MOGAT3: variants seen among roughly 807,000 people sequenced by gnomAD.
The protein encoded by MOGAT3 is 2-acylglycerol O-acyltransferase 3.
Under a neutral mutation model 34.4 loss-of-function variants are expected in MOGAT3, and 39 were observed. The observed-to-expected ratio is 1.13, with a 90% confidence interval of 0.88 to 1.48. The LOEUF (loss-of-function observed/expected upper bound fraction) is 1.48. Among genes scored for constraint, MOGAT3 ranks in the 40% most tolerant of loss-of-function variants. The probability of loss-of-function intolerance (pLI) is 0.00; values close to 1 mark genes in which losing one functional copy is unlikely to be tolerated. For missense variants in MOGAT3, 439 were observed against 438.9 expected (o/e 1.00, Z 0.00); for synonymous variants, 209 against 179.2 (o/e 1.17, Z -1.33).
At chr7:101,193,814 T>C (rs1162473143), downstream of MOGAT3, among the ~76,000 whole-genome samples, 2 of 152,226 alleles carry the variant, frequency 1.3e-5, no homozygotes, top group African/African-American at 2.4e-5. Context: ...GGACTGCCCA[T>C]ATTTTCATGC....
chr7:101,200,184 G>C, intron 3 of MOGAT3, 50 bp downstream of exon 3: 2 of 1,486,014 alleles, frequency 1.3e-6, no homozygotes, highest in Non-Finnish European at 1.9e-6. Flanking sequence ...AGGTGTGGGA[G>C]GGAGATGGGG....
At chr7:101,198,059 G>T in intron 5 of MOGAT3, 132 bp downstream of exon 5, 1 of 938,298 alleles carries the variant, frequency 1.1e-6, no homozygotes, top group Non-Finnish European at 1.5e-6. Flanking sequence ...GAGCCCACGT[G>T]GGCCTCGGTG....
chr7:101,196,017 G>A lies in MOGAT3; in HGVS notation c.955C>T (p.Leu319=). 1 of 1,614,170 alleles carries A rather than the reference G, an allele frequency of 6.2e-7. No homozygotes were observed. The highest frequency in any genetic ancestry group is 8.5e-7 in the Non-Finnish European group (1 of 1,180,032). Residue 319 remains leucine (L), a synonymous_variant, in exon 7 of 7, where the codon CTG becomes TTG. Transcript: ENST00000223114. The part of the protein sequence containing the change: ...NHYHALYMTA[L]EQLFEEHKES... ...TTGTGCTCCTCGAAGAGCTGCTCCA[G>A]GGCCGTCATGTAGAGGGCGTGATAG...
Position 101,198,301 on chromosome 7 carries a change from G to A in MOGAT3, c.558C>T (p.Ala186=), listed in dbSNP as rs764846983. 3.7e-6 allele frequency: 6 copies of A among 1,601,736 alleles called. No individual in the cohort carries two copies. The African/African-American group carries it at 5.4e-5, about 14-fold the overall frequency. Residue 186 remains alanine, a synonymous_variant, in exon 5 of 7, where the codon GCC becomes GCT. Transcript: ENST00000223114. ...FILSQPQLGQ[A]VVIMVGGAHE... ...GCGCACCCCCCACCATGATGACCAC[G>A]GCCTGCCCGAGCTGGGGCTGGGACA...
At position 101,195,867 on chromosome 7, in the gene MOGAT3, A is replaced by G; in HGVS notation, c.*79T>C. 1 of 1,493,808 alleles carries G rather than the reference A, an allele frequency of 6.7e-7. No homozygotes were observed. 92.5% of individuals were successfully genotyped at this position (1,493,808 alleles called of 1,614,324 possible). ...TGCGCTGGGCCCAGAACTACCTTTT[A>G]TTGGAGGCATGGAGTCCACAGTGGG... On this transcript the variant is annotated 3_prime_UTR_variant, in exon 7 of 7. Coordinates refer to ENST00000223114, the MANE Select transcript of MOGAT3 (RefSeq NM_178176.4).
intron 3 of MOGAT3, 133 bp from the exon 4 acceptor site, chr7:101,198,963 C>G: frequency 1.4e-6 from 1 of 698,622 alleles, no homozygotes; most frequent in Non-Finnish European, 2.4e-6. Context: ...AGCAGAGTTC[C>G]GAGTTAAAGG....
chr7:101,198,014 C>A (rs1797841097), intron 5 of MOGAT3, among the ~76,000 whole-genome samples, 177 bp downstream of exon 5: 1 of 152,222 alleles, frequency 6.6e-6, no homozygotes, highest in African/African-American at 2.4e-5. Flanking sequence ...TTAGGGTAAG[C>A]GGGCCCCATG....
chr7:101,196,798 G>C (rs1797803355), intron 5 of MOGAT3, among the ~76,000 whole-genome samples: 1 of 152,178 alleles, frequency 6.6e-6, no homozygotes, highest in Admixed American at 6.6e-5. Context: ...GAACCTGGGA[G>C]GCAGAGGTTG....
downstream of MOGAT3, among the ~76,000 whole-genome samples, chr7:101,194,266 C>T (rs1480918494): frequency 2.6e-5 from 4 of 151,888 alleles, no homozygotes; most frequent in African/African-American, 9.7e-5. Context: ...TGGCTCAACA[C>T]AACCTCCGCC....
chr7:101,200,397 C>G lies in MOGAT3; in HGVS notation c.217+11G>C, dbSNP rs376940887. ...CATCTCTGGCTACCTGGGCCCCCAT[C>G]CGGAGCTCACCTTGGTTGGGTGTGT... On this transcript the variant is annotated intron_variant, in intron 2 of 6. Coordinates refer to ENST00000223114, the MANE Select transcript of MOGAT3 (RefSeq NM_178176.4). 12 of 1,612,848 alleles carry G rather than the reference C, an allele frequency of 7.4e-6. No individual in the cohort carries two copies. The African/African-American group carries it at 1.2e-4, about 16-fold the overall frequency.
At chr7:101,193,247 C>T (rs1251138418), downstream of MOGAT3, among the ~76,000 whole-genome samples, 1 of 151,970 alleles carries the variant, frequency 6.6e-6, no homozygotes, top group Non-Finnish European at 1.5e-5. Context: ...TACTACCATA[C>T]CCCGCCCATC....
chr7:101,198,567 G>T, intron 4 of MOGAT3, 59 bp downstream of exon 4: 1 of 1,532,560 alleles, frequency 6.5e-7, no homozygotes. Flanking sequence ...GGTCCCAGAG[G>T]GGCTGGGGAA....
chr7:101,195,891 G>T lies in MOGAT3; in HGVS notation c.*55C>A. On this transcript the variant is annotated 3_prime_UTR_variant, in exon 7 of 7. Coordinates refer to ENST00000223114, the MANE Select transcript of MOGAT3 (RefSeq NM_178176.4). ...TATTGGAGGCATGGAGTCCACAGTG[G>T]GTGGAGGTCTCAGTGCCTTGGGCTC... The T allele has an allele frequency of 6.4e-7, 1 of 1,572,958 alleles. No homozygotes were observed. Among genetic ancestry groups the T allele is most frequent in the South Asian group, 1.1e-5 (1 of 90,042 alleles).
In MOGAT3 at chr7:101,200,892, C is replaced by G; in HGVS notation, c.-38G>C. On this transcript the variant is annotated 5_prime_UTR_variant, in exon 1 of 7. Transcript: ENST00000223114. ...CCTCTTCCAGCAGGATCCCAGAACC[C>G]GGAGGACAAACGATGAAGGCTTGGA... 1 of 1,545,538 alleles carries G rather than the reference C, an allele frequency of 6.5e-7. No homozygotes were observed. Among genetic ancestry groups the G allele is most frequent in the Non-Finnish European group, 8.9e-7 (1 of 1,128,742 alleles).
At chr7:101,200,571 C>T in intron 1 of MOGAT3, 56 bp from the exon 2 acceptor site, 1 of 1,432,158 alleles carries the variant, frequency 7.0e-7, no homozygotes, top group South Asian at 1.2e-5. Context: ...TCATTCCCTC[C>T]AGCTGCTCCC....
intron 5 of MOGAT3, 28 bp from the exon 6 acceptor site, chr7:101,196,417 G>A (rs755609067): frequency 1.3e-6 from 2 of 1,561,094 alleles, no homozygotes; most frequent in East Asian, 2.2e-5. Flanking sequence ...AGAAGAGGGG[G>A]CTCAGGCTGC....
In MOGAT3 at chr7:101,195,777, T is replaced by C. The variant is rs974654286; in HGVS notation, c.*169A>G. On this transcript the variant is annotated 3_prime_UTR_variant, in exon 7 of 7. Coordinates refer to ENST00000223114, the MANE Select transcript of MOGAT3 (RefSeq NM_178176.4). ...TGTGTTGCCCAGGCTGGTCTTCAAC[T>C]CCTGGGCTCAAACGATCCTCCCACC... is the stretch of plus-strand genomic sequence containing the variant. 37 of 681,408 alleles carry C rather than the reference T, an allele frequency of 5.4e-5. No homozygotes were observed. Among genetic ancestry groups the C allele is most frequent in the Non-Finnish European group, 8.3e-5 (33 of 399,514 alleles). The allele number at this position is 681,408 out of a possible 1,614,324, so 42.2% of individuals were successfully genotyped here. A position where few individuals can be genotyped will look rare whatever the true frequency, so the allele number is the denominator to read the frequency against.
intron 4 of MOGAT3, 125 bp downstream of exon 4, chr7:101,198,500 TG>T: frequency 7.6e-7 from 1 of 1,307,236 alleles, no homozygotes; most frequent in Non-Finnish European, 1.0e-6. Context: ...ACTGCAAGTC[TG>T]GGCAGTGCTC....
At chr7:101,197,738 A>G (rs2116767248) in intron 5 of MOGAT3, among the ~76,000 whole-genome samples, 1 of 152,238 alleles carries the variant, frequency 6.6e-6, no homozygotes, top group African/African-American at 2.4e-5. Flanking sequence ...CGTCTCTACT[A>G]AAAATACAAA....
Sources: gnomAD v4.1 joint callset for allele counts (sites outside exome capture counted in the v4.1 genomes callset) on GRCh38, gnomAD v4.1.1 for gene constraint, MANE v1.5 for transcripts, NCBI Gene and HGNC (gene_info 2026-07-23, HGNC 2026-07-21) for gene names.